SMOC2: variants seen among roughly 807,000 people sequenced by gnomAD.
SMOC2 encodes the protein SPARC related modular calcium binding 2.
In SMOC2, 39 loss-of-function variants were observed where a neutral mutation model predicts 61.4. The observed-to-expected ratio is 0.64, with a 90% CI of 0.49 to 0.83. The LOEUF is 0.83. Among genes scored for constraint, SMOC2 ranks in the 40% least tolerant of loss-of-function variants. The pLI, the probability that SMOC2 is intolerant of heterozygous loss-of-function variation, is 0.00. For synonymous variants in SMOC2, 247 were observed against 239.9 expected (o/e 1.03, Z -0.27); for missense variants, 556 against 592.9 (o/e 0.94, Z 0.65).
At chr6:168,479,712 A>C (rs1320358100) in intron 1 of SMOC2, among the ~76,000 whole-genome samples, 1 of 152,210 alleles carries the variant, frequency 6.6e-6, no homozygotes, top group Non-Finnish European at 1.5e-5. Context: ...CCTGTCCTTC[A>C]AATATGAGGA....
chr6:168,579,174 G>A (rs1393187092), intron 7 of SMOC2, among the ~76,000 whole-genome samples: 1 of 152,158 alleles, frequency 6.6e-6, no homozygotes, highest in Non-Finnish European at 1.5e-5. Flanking sequence ...GTTCCCCTCG[G>A]GGTGGGCAGT....
rs1179305127 is a variant in SMOC2 at position 168,519,196 on chromosome 6, T to G, written c.257-7150T>G. ...GTGTGAGTATGCGTGCATGTGTATG[T>G]GTGTGTATGCATGCGTGTGTGAGAG... On this transcript the variant is annotated intron_variant, in intron 2 of 12. Transcript: ENST00000356284. Among the ~76,000 whole-genome samples, 3 of 142,596 alleles carry G rather than the reference T, an allele frequency of 2.1e-5. No homozygotes were observed. The East Asian group carries it at 6.2e-4, about 29-fold the overall frequency. 93.5% of individuals were successfully genotyped at this position (142,596 alleles called of 152,430 possible). A position where few individuals can be genotyped will look rare whatever the true frequency, so the allele number is the denominator to read the frequency against.
chr6:168,479,611 A>C (rs2115021809), intron 1 of SMOC2, among the ~76,000 whole-genome samples: 1 of 152,090 alleles, frequency 6.6e-6, no homozygotes, highest in Admixed American at 6.5e-5. Context: ...GCAGCTACCC[A>C]CTCTCCACCC....
At chr6:168,651,603 C>A (rs1308565430) in intron 10 of SMOC2, among the ~76,000 whole-genome samples, 1 of 152,130 alleles carries the variant, frequency 6.6e-6, no homozygotes, top group African/African-American at 2.4e-5. Context: ...CACCCAAACC[C>A]TTGATTATCT....
Position 168,641,636 on chromosome 6 carries a change from A to T in SMOC2, c.908-9045A>T, listed in dbSNP as rs1786892565. Among the ~76,000 whole-genome samples the T allele has an allele frequency of 2.0e-5, 3 of 152,224 alleles. No individual in the cohort carries two copies. In the South Asian group the frequency reaches 6.2e-4, roughly 32 times the overall value. On this transcript the variant is annotated intron_variant, in intron 9 of 12. Transcript: ENST00000356284. ...AAAAGAGAGTTAAAGTCAAAGGCAA[A>T]GAATTTCTGGAATGTTATGGTCAGA...
chr6:168,643,321 A>G (rs1304406234), intron 9 of SMOC2, among the ~76,000 whole-genome samples: 2 of 152,062 alleles, frequency 1.3e-5, no homozygotes, highest in Non-Finnish European at 2.9e-5. Context: ...TAAGGTCCAC[A>G]CTTGTTTCTG....
chr6:168,579,271 A>G (rs1453162115), intron 7 of SMOC2, among the ~76,000 whole-genome samples: 4 of 151,870 alleles, frequency 2.6e-5, no homozygotes, highest in African/African-American at 4.8e-5. Context: ...TAAAGCCACT[A>G]TTTTTTCTTT....
At chr6:168,555,347 G>C (rs144135475) in intron 7 of SMOC2, among the ~76,000 whole-genome samples, 148 of 152,344 alleles carry the variant, frequency 9.7e-4, no homozygotes, top group African/African-American at 3.4e-3. Context: ...GTGACCTGGG[G>C]TCCTGGGGTT....
intron 7 of SMOC2, among the ~76,000 whole-genome samples, chr6:168,595,378 AC>A (rs1785299422): frequency 6.6e-6 from 1 of 151,960 alleles, no homozygotes; most frequent in Non-Finnish European, 1.5e-5. Context: ...GTGCGAATTC[AC>A]CCCTCCTTGT....
intron 2 of SMOC2, among the ~76,000 whole-genome samples, chr6:168,518,874 CAT>C (rs200408878): frequency 0.012 from 1,790 of 148,400 alleles, 37 homozygotes; most frequent in African/African-American, 0.042. Flanking sequence ...TGAATGTATT[CAT>C]GTGTCTGAGC....
intron 4 of SMOC2, among the ~76,000 whole-genome samples, chr6:168,532,299 C>T (rs376207263): frequency 3.1e-4 from 47 of 152,326 alleles, no homozygotes; most frequent in Middle Eastern, 6.8e-3. Context: ...GTTCACACTA[C>T]ATAACAAGCC....
intron 1 of SMOC2, among the ~76,000 whole-genome samples, chr6:168,483,205 A>T (rs1782250764): frequency 6.6e-6 from 1 of 151,684 alleles, no homozygotes; most frequent in Non-Finnish European, 1.5e-5. Context: ...ACACACACAC[A>T]AAAAAACTTG....
intron 9 of SMOC2, among the ~76,000 whole-genome samples, chr6:168,643,901 G>A (rs1363405625): frequency 1.3e-5 from 2 of 152,288 alleles, no homozygotes; most frequent in East Asian, 1.9e-4. Flanking sequence ...GGCCCCACGC[G>A]TAGATCAGAC....
At chr6:168,575,755 T>G (rs1784787674) in intron 7 of SMOC2, among the ~76,000 whole-genome samples, 1 of 152,202 alleles carries the variant, frequency 6.6e-6, no homozygotes, top group Non-Finnish European at 1.5e-5. Flanking sequence ...GGCTCTGTCT[T>G]ATTCAGGGAC....
At chr6:168,609,542 C>T (rs988652529) in intron 9 of SMOC2, among the ~76,000 whole-genome samples, 4 of 152,190 alleles carry the variant, frequency 2.6e-5, no homozygotes, top group Non-Finnish European at 4.4e-5. Context: ...AGGCTGTGCT[C>T]AGCTGCTGGC....
chr6:168,502,259 C>T (rs949707504), intron 1 of SMOC2, among the ~76,000 whole-genome samples: 4 of 152,226 alleles, frequency 2.6e-5, no homozygotes, highest in Non-Finnish European at 4.4e-5. Flanking sequence ...TTTGTTTTCA[C>T]GATCATCTTT....
At chr6:168,595,248 C>CAGG (rs71008023) in intron 7 of SMOC2, among the ~76,000 whole-genome samples, 1 of 79,298 alleles carries the variant, frequency 1.3e-5, no homozygotes, top group South Asian at 4.3e-4. Context: ...TGAGGCCTCA[C>CAGG]GGGCATCTTT....
intron 7 of SMOC2, among the ~76,000 whole-genome samples, chr6:168,578,592 A>G (rs1171145478): frequency 6.6e-6 from 1 of 152,220 alleles, no homozygotes; most frequent in Non-Finnish European, 1.5e-5. Context: ...ATGTACAGCA[A>G]CGGTTTCTCC....
rs1784074365 is a variant in SMOC2, at chr6:168,549,190, C to G, written c.624C>G (p.Thr208=). 3.7e-6 allele frequency: 6 copies of G among 1,613,992 alleles called. No homozygotes were observed. The highest frequency in any genetic ancestry group is 5.1e-6 in the Non-Finnish European group (6 of 1,179,900). ...TEQVKSRQNK[T]NKNSVSSCDQ... ...AGGTTAAAAGTCGGCAGAACAAAAC[C>G]AATAAGAATTCAGGTAAGATGCTGC... The change falls in exon 7 of 13, where the codon ACC becomes ACG. Residue 208 remains threonine, a synonymous_variant. Coordinates refer to ENST00000356284, the MANE Select transcript of SMOC2 (RefSeq NM_001166412.2).
Sources: allele counts gnomAD v4.1 joint callset (sites outside exome capture counted in the v4.1 genomes callset), GRCh38; gene constraint gnomAD v4.1.1; transcripts MANE v1.5; gene names NCBI Gene and HGNC (gene_info 2026-07-23, HGNC 2026-07-21).